Variants in PTCSC3 observed in about 807,000 individuals in gnomAD.
The protein encoded by PTCSC3 is papillary thyroid carcinoma susceptibility candidate 3 (non-protein coding).
intron 1 of PTCSC3, among the ~76,000 whole-genome samples, chr14:36,172,943 TTTG>T (rs1882215991): frequency 6.7e-6 from 1 of 150,092 alleles, no homozygotes; most frequent in Non-Finnish European, 1.5e-5. Flanking sequence ...TAAAACTTGC[TTTG>T]TTTTTTTTTT....
intron 3 of PTCSC3, among the ~76,000 whole-genome samples, chr14:36,151,369 T>C (rs1255677102): frequency 6.6e-6 from 1 of 152,062 alleles, no homozygotes; most frequent in Non-Finnish European, 1.5e-5. Context: ...AAATTTTGGG[T>C]ATTCGTTCCC....
chr14:36,152,075 CTTTAAAACTCTT>C (rs1431736166), intron 3 of PTCSC3, among the ~76,000 whole-genome samples: 1 of 25,746 alleles, frequency 3.9e-5, no homozygotes, highest in African/African-American at 1.0e-4. Context: ...CTTGCAAACT[CTTTAAAACTCTT>C]TACATGTCAG....
At chr14:36,171,711 G>A (rs1484918882) in intron 1 of PTCSC3, among the ~76,000 whole-genome samples, 3 of 152,278 alleles carry the variant, frequency 2.0e-5, no homozygotes, top group Admixed American at 2.0e-4. Context: ...CAAGCAAGAT[G>A]CATTCCTCGA....
intron 1 of PTCSC3, among the ~76,000 whole-genome samples, chr14:36,163,551 TA>T (rs941288027): frequency 1.3e-5 from 2 of 152,152 alleles, no homozygotes; most frequent in Non-Finnish European, 2.9e-5. Flanking sequence ...ATAAGTGGAC[TA>T]ACTTCCAGAG....
At chr14:36,158,063 T>G (rs1016032878) in intron 2 of PTCSC3, among the ~76,000 whole-genome samples, 1 of 152,154 alleles carries the variant, frequency 6.6e-6, no homozygotes, top group African/African-American at 2.4e-5. Flanking sequence ...TTTTCTATTA[T>G]TGGTGTATAG....
At chr14:36,138,981 G>A (rs1395272692) in intron 3 of PTCSC3, among the ~76,000 whole-genome samples, 2 of 152,052 alleles carry the variant, frequency 1.3e-5, no homozygotes, top group Admixed American at 6.5e-5. Flanking sequence ...GGGCGTGGTG[G>A]CAGGTGCCTG....
chr14:36,135,393 C>T (rs74328198), downstream of PTCSC3, among the ~76,000 whole-genome samples: 4,003 of 152,214 alleles, frequency 0.026, 168 homozygotes, highest in African/African-American at 0.092. Flanking sequence ...GTATGAGTTC[C>T]CATTCTGGCT....
At chr14:36,139,997 CA>C (rs1205011755) in intron 3 of PTCSC3, among the ~76,000 whole-genome samples, 1 of 152,204 alleles carries the variant, frequency 6.6e-6, no homozygotes, top group African/African-American at 2.4e-5. Context: ...TCCCTTCCAT[CA>C]CCCTCCAAGA....
intron 1 of PTCSC3, among the ~76,000 whole-genome samples, chr14:36,163,033 G>A (rs1451598847): frequency 2.6e-5 from 4 of 151,770 alleles, no homozygotes; most frequent in Non-Finnish European, 5.9e-5. Context: ...GAAAAATAAA[G>A]CAAGGTTAAA....
chr14:36,165,083 C>T (rs1279584170), intron 1 of PTCSC3: 1 of 152,338 alleles, frequency 6.6e-6, no homozygotes, highest in African/African-American at 2.4e-5. Context: ...TTGACTACTT[C>T]TCACAGCTGA....
chr14:36,163,260 G>C (rs1210227973), intron 1 of PTCSC3, among the ~76,000 whole-genome samples: 1 of 151,850 alleles, frequency 6.6e-6, no homozygotes, highest in Non-Finnish European at 1.5e-5. Flanking sequence ...AAGCATAAAT[G>C]GGGAGAAATT....
intron 1 of PTCSC3, among the ~76,000 whole-genome samples, chr14:36,173,483 A>T (rs1882225295): frequency 6.6e-6 from 1 of 152,114 alleles, no homozygotes; most frequent in Non-Finnish European, 1.5e-5. Flanking sequence ...TTGGAAAAGA[A>T]TGCTTTAATT....
intron 1 of PTCSC3, among the ~76,000 whole-genome samples, chr14:36,173,347 A>G (rs1882222825): frequency 6.6e-6 from 1 of 152,130 alleles, no homozygotes; most frequent in Non-Finnish European, 1.5e-5. Flanking sequence ...TGGTAGAGGC[A>G]ATCAACACTG....
chr14:36,152,886 T>A (rs1429129501), intron 3 of PTCSC3, among the ~76,000 whole-genome samples: 1 of 138,722 alleles, frequency 7.2e-6, no homozygotes, highest in African/African-American at 2.7e-5. Context: ...AGAGCGAGAC[T>A]CCATCTCGAA....
chr14:36,163,912 A>G (rs1393047655), intron 1 of PTCSC3, among the ~76,000 whole-genome samples: 1 of 152,230 alleles, frequency 6.6e-6, no homozygotes, highest in Non-Finnish European at 1.5e-5. Flanking sequence ...CATGACCTCA[A>G]TAATGCAAAT....
At chr14:36,150,167 G>T (rs940432818) in intron 3 of PTCSC3, among the ~76,000 whole-genome samples, 5 of 152,092 alleles carry the variant, frequency 3.3e-5, no homozygotes, top group Admixed American at 3.3e-4. Context: ...ATCTACTATG[G>T]TCTGCATGTT....
chr14:36,156,134 G>T (rs184719200), intron 2 of PTCSC3, among the ~76,000 whole-genome samples: 150 of 152,302 alleles, frequency 9.8e-4, no homozygotes, highest in African/African-American at 3.4e-3. Flanking sequence ...TGTGGGTTCT[G>T]CCTGGTAAGT....
chr14:36,151,803 A>C (rs1410628454), intron 3 of PTCSC3, among the ~76,000 whole-genome samples: 2 of 152,160 alleles, frequency 1.3e-5, no homozygotes, highest in Non-Finnish European at 2.9e-5. Context: ...TGAAGACCAG[A>C]ATGCTCTGGG....
At chr14:36,161,498 G>C (rs1881955907) in intron 2 of PTCSC3, among the ~76,000 whole-genome samples, 1 of 152,142 alleles carries the variant, frequency 6.6e-6, no homozygotes, top group African/African-American at 2.4e-5. Context: ...AGGTCTGCTG[G>C]AGTTTGCTGG....
Sources: gnomAD v4.1 joint callset for allele counts (sites outside exome capture counted in the v4.1 genomes callset) on GRCh38, gnomAD v4.1.1 for gene constraint, MANE v1.5 for transcripts, NCBI Gene and HGNC (gene_info 2026-07-23, HGNC 2026-07-21) for gene names.